The following DCDC1 variants were observed in gnomAD, a reference collection of about 807,000 sequenced individuals.
DCDC1 encodes the protein doublecortin domain containing 1, also known as doublecortin domain-containing protein 1.
In DCDC1, 200 loss-of-function variants were observed where a neutral mutation model predicts 178.3. The observed-to-expected ratio is 1.12, with a 90% CI of 1.00 to 1.26. DCDC1 has a LOEUF of 1.26. DCDC1 is among the 50% of genes most tolerant of loss of function. DCDC1 has a pLI of 0.00. For missense variants in DCDC1, 1,983 were observed against 1,749.2 expected, an observed-to-expected ratio of 1.13 and a Z score of -2.38; for synonymous variants, 690 against 604.8, an observed-to-expected ratio of 1.14 and a Z score of -2.07.
chr11:31,007,269 A>C (rs1270907985), intron 20 of DCDC1, among the ~76,000 whole-genome samples: 2 of 152,224 alleles, frequency 1.3e-5, no homozygotes, highest in Non-Finnish European at 2.9e-5. Flanking sequence ...ACTCATTGAG[A>C]CTGTGAGATG....
chr11:31,076,007 G>A (rs1445584860), intron 18 of DCDC1, among the ~76,000 whole-genome samples: 1 of 152,072 alleles, frequency 6.6e-6, no homozygotes, highest in African/African-American at 2.4e-5. Flanking sequence ...TTACAGGCAT[G>A]TACCACCACG....
chr11:30,942,026 A>G (rs532896344), intron 21 of DCDC1, among the ~76,000 whole-genome samples: 50 of 152,330 alleles, frequency 3.3e-4, no homozygotes, highest in Non-Finnish European at 6.3e-4. Flanking sequence ...TTTGAACTAC[A>G]GAAGCTTCAT....
intron 20 of DCDC1, among the ~76,000 whole-genome samples, chr11:30,989,575 T>C (rs1031516557): frequency 1.3e-4 from 20 of 152,222 alleles, no homozygotes; most frequent in African/African-American, 4.8e-4. Context: ...TACATTTAAC[T>C]AGGCTTTTTC....
At chr11:31,189,349 C>A (rs1052821704) in intron 9 of DCDC1, among the ~76,000 whole-genome samples, 1 of 152,146 alleles carries the variant, frequency 6.6e-6, no homozygotes. Flanking sequence ...GTAACTTCTG[C>A]AACCATACTG....
At chr11:31,368,729 T>G (rs1044085670) in intron 1 of DCDC1, among the ~76,000 whole-genome samples, 1 of 152,184 alleles carries the variant, frequency 6.6e-6, no homozygotes, top group Non-Finnish European at 1.5e-5. Context: ...GGTAGAAGTT[T>G]AAAAAAGAAG....
intron 9 of DCDC1, among the ~76,000 whole-genome samples, chr11:31,230,883 T>C (rs1030674548): frequency 6.6e-6 from 1 of 152,176 alleles, no homozygotes; most frequent in African/African-American, 2.4e-5. Context: ...AGAGCAGTTT[T>C]ACATCAATAA....
intron 11 of DCDC1, among the ~76,000 whole-genome samples, chr11:31,122,374 A>G (rs11031294): frequency 2.6e-5 from 4 of 152,054 alleles, no homozygotes; most frequent in Admixed American, 2.6e-4. Context: ...TATGATTGTC[A>G]GTCCTGCCTA....
At chr11:30,959,607 A>G (rs910185152) in intron 20 of DCDC1, among the ~76,000 whole-genome samples, 2 of 152,004 alleles carry the variant, frequency 1.3e-5, no homozygotes, top group South Asian at 2.1e-4. Context: ...TCATTCCACC[A>G]CTTCCTGTCT....
chr11:31,144,365 C>T (rs556647593), intron 9 of DCDC1, among the ~76,000 whole-genome samples: 2 of 152,164 alleles, frequency 1.3e-5, no homozygotes, highest in Admixed American at 1.3e-4. Flanking sequence ...CATCAAACTC[C>T]TGAGCAGGTG....
intron 1 of DCDC1, among the ~76,000 whole-genome samples, chr11:31,336,387 A>G (rs1332405902): frequency 6.6e-6 from 1 of 152,252 alleles, no homozygotes; most frequent in Non-Finnish European, 1.5e-5. Context: ...AAAGTAGATG[A>G]ATAGATGAAC....
At chr11:30,938,220 T>C (rs915293974) in intron 21 of DCDC1, among the ~76,000 whole-genome samples, 2 of 151,510 alleles carry the variant, frequency 1.3e-5, no homozygotes, top group Non-Finnish European at 2.9e-5. Flanking sequence ...TTCTTCTATC[T>C]CTCTCTCTCT....
intron 1 of DCDC1, among the ~76,000 whole-genome samples, chr11:31,346,697 T>C (rs1950834869): frequency 6.6e-6 from 1 of 152,124 alleles, no homozygotes; most frequent in Non-Finnish European, 1.5e-5. Flanking sequence ...TTGTTAGACA[T>C]ATAAACCGAG....
At chr11:31,236,954 A>T (rs554666643) in intron 9 of DCDC1, among the ~76,000 whole-genome samples, 1 of 152,142 alleles carries the variant, frequency 6.6e-6, no homozygotes, top group East Asian at 1.9e-4. Flanking sequence ...AATGATGTAG[A>T]ACCAATAAAT....
chr11:30,939,337 C>G (rs1470014275), intron 21 of DCDC1, among the ~76,000 whole-genome samples: 1 of 152,178 alleles, frequency 6.6e-6, no homozygotes, highest in African/African-American at 2.4e-5. Flanking sequence ...TATGCAGGCA[C>G]AGAGATCCTG....
intron 9 of DCDC1, among the ~76,000 whole-genome samples, chr11:31,217,881 T>G (rs1394098076): frequency 1.3e-5 from 2 of 152,070 alleles, no homozygotes; most frequent in Admixed American, 6.6e-5. Context: ...AAAAATAGAT[T>G]TTTTCATAAT....
chr11:31,070,665 G>A (rs983160308), intron 18 of DCDC1, among the ~76,000 whole-genome samples: 1 of 152,076 alleles, frequency 6.6e-6, no homozygotes, highest in African/African-American at 2.4e-5. Context: ...GAACATGATC[G>A]GAATTTCACA....
intron 11 of DCDC1, among the ~76,000 whole-genome samples, chr11:31,115,687 C>T (rs998503081): frequency 6.6e-6 from 1 of 152,036 alleles, no homozygotes; most frequent in Non-Finnish European, 1.5e-5. Flanking sequence ...GAAACTGACC[C>T]TGAGACCAAG....
Position 31,242,546 on chromosome 11 carries a change from T to C in DCDC1, c.1055-930A>G, listed in dbSNP as rs1003072727. Reference sequence around the variant, plus strand: ...TATACATGTGACACAAACTTAAACATGCAAAATAACTATAGGTATTGGCTA... The same window carrying C: ...TATACATGTGACACAAACTTAAACACGCAAAATAACTATAGGTATTGGCTA... On this transcript the variant is annotated intron_variant, in intron 8 of 38. Coordinates refer to ENST00000684477, the MANE Select transcript of DCDC1 (RefSeq NM_001387274.1). Among the ~76,000 whole-genome samples the C allele has an allele frequency of 3.3e-5, 5 of 152,072 alleles. No homozygotes were observed. The East Asian group carries it at 5.8e-4, about 18-fold the overall frequency.
At chr11:30,896,532 C>T (rs1458522126) in intron 34 of DCDC1, among the ~76,000 whole-genome samples, 1 of 152,184 alleles carries the variant, frequency 6.6e-6, no homozygotes, top group African/African-American at 2.4e-5. Flanking sequence ...TTCAGAATCA[C>T]CTGTGTCTGC....
Sources: allele counts gnomAD v4.1 joint callset (sites outside exome capture counted in the v4.1 genomes callset), GRCh38; gene constraint gnomAD v4.1.1; transcripts MANE v1.5; gene names NCBI Gene and HGNC (gene_info 2026-07-23, HGNC 2026-07-21).